The following CNBD1 variants were observed in gnomAD, a reference collection of about 807,000 sequenced individuals.
The protein encoded by CNBD1 is cyclic nucleotide-binding domain-containing protein 1.
A neutral mutation model predicts 54.4 loss-of-function variants in CNBD1; 71 were observed. That is an observed-to-expected ratio of 1.30 (90% CI 1.08 to 1.59). The LOEUF (loss-of-function observed/expected upper bound fraction) is 1.59. CNBD1 is among the 40% of genes most tolerant of loss of function. CNBD1 has a pLI of 0.00. For synonymous variants in CNBD1, 182 were observed against 170.7 expected, an observed-to-expected ratio of 1.07 and a Z score of -0.51; for missense variants, 659 against 518.0, an observed-to-expected ratio of 1.27 and a Z score of -2.64.
intron 4 of CNBD1, among the ~76,000 whole-genome samples, chr8:87,068,071 G>C (rs973745055): frequency 6.6e-6 from 1 of 152,024 alleles, no homozygotes; most frequent in Non-Finnish European, 1.5e-5. Context: ...GTGTGGGCAA[G>C]TAATCATCTG....
intron 4 of CNBD1, among the ~76,000 whole-genome samples, chr8:87,051,575 T>C (rs1487669736): frequency 1.3e-5 from 2 of 152,194 alleles, no homozygotes; most frequent in South Asian, 2.1e-4. Context: ...AGATTATAGA[T>C]TAACTAAAAA....
At chr8:86,970,104 A>C (rs1216811039) in intron 4 of CNBD1, among the ~76,000 whole-genome samples, 2 of 152,092 alleles carry the variant, frequency 1.3e-5, no homozygotes, top group Non-Finnish European at 2.9e-5. Flanking sequence ...ATTTACAACT[A>C]TATGGCTTTG....
At chr8:86,965,050 A>G (rs1808034680) in intron 4 of CNBD1, among the ~76,000 whole-genome samples, 1 of 152,170 alleles carries the variant, frequency 6.6e-6, no homozygotes, top group Non-Finnish European at 1.5e-5. Flanking sequence ...TTTTACCACA[A>G]GTTTACATAC....
At chr8:87,281,549 T>TAGATATAG (rs1563536637) in intron 6 of CNBD1, among the ~76,000 whole-genome samples, 1 of 786 alleles carries the variant, frequency 1.3e-3, no homozygotes, top group African/African-American at 2.3e-3. Flanking sequence ...AAGATATATA[T>TAGATATAG]ATATATATAT....
chr8:87,129,091 A>AAAAAAAAAAAAAAAAAAAAAAAT (rs869080603), intron 4 of CNBD1, among the ~76,000 whole-genome samples: 1 of 136,640 alleles, frequency 7.3e-6, no homozygotes, highest in African/African-American at 3.1e-5. Context: ...AAAAAAAAAA[A>AAAAAAAAAAAAAAAAAAAAAAAT]GAATTTTGCT....
intron 4 of CNBD1, among the ~76,000 whole-genome samples, chr8:87,133,591 C>T (rs987386793): frequency 3.3e-4 from 50 of 151,916 alleles, no homozygotes; most frequent in African/African-American, 1.1e-3. Context: ...CCCTTCGGGC[C>T]CTTCTGTGGG....
chr8:87,112,705 C>T (rs1811688749), intron 4 of CNBD1, among the ~76,000 whole-genome samples: 1 of 152,146 alleles, frequency 6.6e-6, no homozygotes, highest in Non-Finnish European at 1.5e-5. Flanking sequence ...CACAGGTGAA[C>T]ATTTCAGCAA....
At chr8:87,172,591 A>G (rs1813111963) in intron 4 of CNBD1, among the ~76,000 whole-genome samples, 1 of 152,054 alleles carries the variant, frequency 6.6e-6, no homozygotes, top group Middle Eastern at 3.2e-3. Flanking sequence ...ATTATTATAT[A>G]TTCTTGCTGA....
intron 2 of CNBD1, among the ~76,000 whole-genome samples, chr8:87,426,713 G>T (rs547094024): frequency 1.3e-5 from 2 of 152,034 alleles, no homozygotes; most frequent in African/African-American, 4.8e-5. Context: ...ATGAAATAAC[G>T]GCAATTGCAG....
chr8:87,283,186 T>C (rs1437673456), intron 6 of CNBD1, among the ~76,000 whole-genome samples: 3 of 152,120 alleles, frequency 2.0e-5, no homozygotes, highest in Non-Finnish European at 4.4e-5. Flanking sequence ...AAATTATCTT[T>C]AATCTACAAA....
At chr8:87,288,862 A>T (rs1266824705) in intron 8 of CNBD1, among the ~76,000 whole-genome samples, 1 of 152,164 alleles carries the variant, frequency 6.6e-6, no homozygotes, top group Non-Finnish European at 1.5e-5. Flanking sequence ...TGACAATTTC[A>T]TCTGATAATC....
rs758497467 is a variant in CNBD1, at chr8:87,087,463, CT to C, written c.432-118512del. ...AGAGATTCCTCTATTGAAGTACATT[CT>C]TTTTTTTTTTTTTTTTTGAGTTGGA... On this transcript the variant is annotated intron_variant, in intron 4 of 10. Coordinates refer to ENST00000518476, the MANE Select transcript of CNBD1 (RefSeq NM_173538.3). 8.4e-3 allele frequency among the ~76,000 whole-genome samples: 1,076 copies of C among 127,896 alleles called. 10 individuals are homozygous for C. The highest frequency in any genetic ancestry group is 0.026 in the African/African-American group (863 of 33,574). The allele number at this position is 127,896 out of a possible 152,430, so 83.9% of individuals were successfully genotyped here.
intron 2 of CNBD1, among the ~76,000 whole-genome samples, chr8:86,891,126 T>G (rs1808761753): frequency 6.6e-6 from 1 of 152,150 alleles, no homozygotes; most frequent in South Asian, 2.1e-4. Context: ...TTGCTTTTGT[T>G]GCCTGTGCTT....
intron 6 of CNBD1, among the ~76,000 whole-genome samples, chr8:87,241,333 C>T (rs949237359): frequency 5.8e-5 from 8 of 138,100 alleles, no homozygotes; most frequent in Non-Finnish European, 9.0e-5. Flanking sequence ...TGCAGTGGCG[C>T]GATCTCGGCT....
chr8:86,947,614 C>T (rs1807498331), intron 4 of CNBD1, among the ~76,000 whole-genome samples: 1 of 151,902 alleles, frequency 6.6e-6, no homozygotes, highest in South Asian at 2.1e-4. Context: ...CTACTTTTCA[C>T]TTTTTATTTT....
chr8:87,373,019 AT>A (rs1304339341), intron 10 of CNBD1, among the ~76,000 whole-genome samples: 1 of 151,734 alleles, frequency 6.6e-6, no homozygotes, highest in Non-Finnish European at 1.5e-5. Context: ...CTTATATGAT[AT>A]TTTTTATTAT....
intron 6 of CNBD1, among the ~76,000 whole-genome samples, chr8:87,255,999 ATATATATATATATATATTTTTTT>A (rs1227014704): frequency 1.9e-4 from 3 of 15,400 alleles, no homozygotes; most frequent in Non-Finnish European, 3.4e-4. Flanking sequence ...ATATATATAT[ATATATATATATATATATTTTTTT>A]TTTTTTTTTT....
At chr8:87,389,663 A>T (rs146077079) in intron 2 of CNBD1, among the ~76,000 whole-genome samples, 1 of 152,188 alleles carries the variant, frequency 6.6e-6, no homozygotes, top group Non-Finnish European at 1.5e-5. Context: ...TATCATAAAA[A>T]TGGCCATACT....
intron 4 of CNBD1, among the ~76,000 whole-genome samples, chr8:87,018,959 TA>T (rs1809426096): frequency 6.6e-6 from 1 of 152,182 alleles, no homozygotes; most frequent in Admixed American, 6.5e-5. Context: ...ACCCCAACCA[TA>T]AAAATTTTCT....
Sources: gnomAD v4.1 joint callset for allele counts (sites outside exome capture counted in the v4.1 genomes callset) on GRCh38, gnomAD v4.1.1 for gene constraint, MANE v1.5 for transcripts, NCBI Gene and HGNC (gene_info 2026-07-23, HGNC 2026-07-21) for gene names.